The following BPNT2 variants were observed in gnomAD, a reference collection of about 807,000 sequenced individuals.
BPNT2 encodes the protein 3'(2'), 5'-bisphosphate nucleotidase 2.
BPNT2 carries 11 observed loss-of-function variants against 29.3 expected under a neutral mutation model. The ratio of observed to expected loss-of-function variants is 0.38; its 90% confidence interval spans 0.24 to 0.62. The LOEUF (loss-of-function observed/expected upper bound fraction) is 0.62, where lower values mean the gene tolerates loss of function less well. Among genes scored for constraint, BPNT2 ranks in the 20% least tolerant of loss-of-function variants. The pLI is 0.62. For synonymous variants in BPNT2, 195 were observed against 187.7 expected, an observed-to-expected ratio of 1.04 and a Z score of -0.32; for missense variants, 459 against 473.4, an observed-to-expected ratio of 0.97 and a Z score of 0.28.
intron 3 of BPNT2, among the ~76,000 whole-genome samples, chr8:56,975,402 G>A (rs1806115668): frequency 6.6e-6 from 1 of 152,084 alleles, no homozygotes; most frequent in Admixed American, 6.6e-5. Flanking sequence ...ATAAGGGACA[G>A]TGTCAAAAGA....
chr8:56,964,147 AAATAG>A, intron 4 of BPNT2, 83 bp from the exon 5 acceptor site: 4 of 988,734 alleles, frequency 4.0e-6, no homozygotes, highest in African/African-American at 1.6e-5. Flanking sequence ...TATCCTGTTA[AAATAG>A]CAGGATGGAG....
At position 56,970,336 on chromosome 8, in the gene BPNT2, G is replaced by A. The variant is rs1228469546; in HGVS notation, c.647-3984C>T. Among the ~76,000 whole-genome samples, 7 of 152,112 alleles carry A rather than the reference G, an allele frequency of 4.6e-5. No individual in the cohort carries two copies. In the East Asian group the frequency reaches 1.4e-3, roughly 29 times the overall value. On this transcript the variant is annotated intron_variant, in intron 3 of 4. Transcript: ENST00000262644. ...AAATGCTTAACCTCAATCCAATCAA[G>A]GATTCAGATCTAATCTGCACTTTTT...
In BPNT2 at chr8:56,960,206, C is replaced by G. The variant is rs996183064; in HGVS notation, c.*3587G>C. The G allele has an allele frequency of 2.0e-5, 3 of 152,156 alleles. No individual in the cohort carries two copies. The highest frequency in any genetic ancestry group is 7.2e-5 in the African/African-American group (3 of 41,418). 9.4% of individuals were successfully genotyped at this position (152,156 alleles called of 1,614,324 possible). A position where few individuals can be genotyped will look rare whatever the true frequency, so the allele number is the denominator to read the frequency against. ...TTTCCTTTCTGCATCGGCACTCCACCTTTCTTTACTTATGCTCAGCTATCA... is the reference window on the plus strand; with the variant it reads ...TTTCCTTTCTGCATCGGCACTCCACGTTTCTTTACTTATGCTCAGCTATCA... On this transcript the variant is annotated 3_prime_UTR_variant, in exon 5 of 5. Coordinates refer to ENST00000262644, the MANE Select transcript of BPNT2 (RefSeq NM_017813.5).
At position 56,968,428 on chromosome 8, in the gene BPNT2, TAAG is replaced by T. The variant is rs555641314; in HGVS notation, c.647-2079_647-2077del. Reference sequence around the variant, plus strand: ...ACAAAAAAGAGTCAACATACATATATAAGGAGTCCCTGAAAAAGAAAAATTAAT... The same window carrying T: ...ACAAAAAAGAGTCAACATACATATATGAGTCCCTGAAAAAGAAAAATTAAT... On this transcript the variant is annotated intron_variant, in intron 3 of 4. Transcript: ENST00000262644. 3.3e-5 allele frequency among the ~76,000 whole-genome samples: 5 copies of T among 149,910 alleles called. No homozygotes were observed. The East Asian group carries it at 9.8e-4, about 29-fold the overall frequency.
At chr8:56,974,841 A>C (rs191970696) in intron 3 of BPNT2, among the ~76,000 whole-genome samples, 1 of 152,300 alleles carries the variant, frequency 6.6e-6, no homozygotes, top group African/African-American at 2.4e-5. Flanking sequence ...TATTCTTATT[A>C]AATAAAGGTT....
intron 3 of BPNT2, 144 bp from the exon 4 acceptor site, chr8:56,966,496 CTT>C (rs995386306): frequency 3.9e-4 from 276 of 713,046 alleles, no homozygotes; most frequent in Non-Finnish European, 3.1e-4. Flanking sequence ...AAACAGAAAG[CTT>C]TTTTTTTCAG....
chr8:56,988,424 G>A (rs1294450421), intron 1 of BPNT2, among the ~76,000 whole-genome samples: 3 of 152,178 alleles, frequency 2.0e-5, no homozygotes, highest in Non-Finnish European at 2.9e-5. Flanking sequence ...TTGGTAAAAA[G>A]GGACAATGAT....
intron 1 of BPNT2, among the ~76,000 whole-genome samples, chr8:56,980,828 AC>A: frequency 6.7e-6 from 1 of 150,014 alleles, no homozygotes; most frequent in Admixed American, 6.7e-5. Context: ...ATACACACAC[AC>A]ACACACACAC....
At chr8:56,973,656 C>T (rs1316286750) in intron 3 of BPNT2, among the ~76,000 whole-genome samples, 1 of 152,108 alleles carries the variant, frequency 6.6e-6, no homozygotes, top group African/African-American at 2.4e-5. Flanking sequence ...CAGAAGACGA[C>T]TTGATGGAGA....
intron 3 of BPNT2, among the ~76,000 whole-genome samples, chr8:56,972,896 G>A (rs901882920): frequency 1.3e-5 from 2 of 151,782 alleles, no homozygotes; most frequent in Non-Finnish European, 2.9e-5. Context: ...ACATTTATTA[G>A]TAAGGAAGAG....
intron 3 of BPNT2, among the ~76,000 whole-genome samples, chr8:56,973,315 G>C (rs1485064408): frequency 6.6e-6 from 1 of 152,010 alleles, no homozygotes; most frequent in Non-Finnish European, 1.5e-5. Flanking sequence ...GGACCTTTAA[G>C]GCTCATTATA....
Position 56,993,310 on chromosome 8 carries a change from C to A in BPNT2, c.276G>T (p.Glu92Asp), listed in dbSNP as rs763919379. 3.7e-6 allele frequency: 6 copies of A among 1,612,278 alleles called. No individual in the cohort carries two copies. Among genetic ancestry groups the A allele is most frequent in the Non-Finnish European group, 5.1e-6 (6 of 1,179,958 alleles). ...CCTCGCGCGTCTTCCCCTTGGACTT[C>A]TCGTGGAGGACGTTGCTCTCGCGGA... The part of the protein sequence containing the change: ...RRVRESNVLH[E>D]KSKGKTREGA... The change falls in exon 1 of 5, where the codon GAG becomes GAT. Residue 92 changes from glutamate (E) to aspartate (D), a missense_variant. By Grantham distance (45) the Glu-to-Asp change is conservative (BLOSUM62 2). Coordinates refer to ENST00000262644, the MANE Select transcript of BPNT2 (RefSeq NM_017813.5).
chr8:56,968,389 TAA>T (rs11428357), intron 3 of BPNT2, among the ~76,000 whole-genome samples: 3 of 121,788 alleles, frequency 2.5e-5, no homozygotes, highest in Non-Finnish European at 3.5e-5. Context: ...AGTGATAGAT[TAA>T]AAAAAAAAAA....
chr8:56,975,980 C>G (rs558449954), intron 3 of BPNT2, among the ~76,000 whole-genome samples: 2 of 152,266 alleles, frequency 1.3e-5, no homozygotes, highest in East Asian at 3.9e-4. Context: ...CATCCACTTT[C>G]CCTGTTTTCC....
intron 4 of BPNT2, 105 bp downstream of exon 4, chr8:56,966,086 C>T (rs1805943621): frequency 6.5e-6 from 8 of 1,239,174 alleles, no homozygotes; most frequent in Non-Finnish European, 9.4e-6. Context: ...GTACACCACT[C>T]CTCCTCACTT....
In BPNT2 at chr8:56,963,955, G is replaced by C. The variant is rs770225591; in HGVS notation, c.918C>G (p.Ala306=). 2 of 1,613,912 alleles carry C rather than the reference G, an allele frequency of 1.2e-6. No individual in the cohort carries two copies. The highest frequency in any genetic ancestry group is 2.2e-5 in the South Asian group (2 of 91,056). Residue 306 remains alanine, a synonymous_variant, in exon 5 of 5, where the codon GCC becomes GCG. Transcript: ENST00000262644. The part of the protein sequence containing the change: ...IKKWDICAGN[A]ILKALGGHMT... ...TATGCCCCCCTAGGGCTTTTAAGAT[G>C]GCATTACCAGCACATATATCCCACT...
intron 1 of BPNT2, among the ~76,000 whole-genome samples, chr8:56,983,546 C>G (rs557121843): frequency 1.3e-5 from 2 of 152,144 alleles, no homozygotes; most frequent in Non-Finnish European, 2.9e-5. Context: ...CAGTTGCCCT[C>G]CATCATAACA....
intron 3 of BPNT2, among the ~76,000 whole-genome samples, chr8:56,971,833 C>G (rs1474940242): frequency 6.7e-6 from 1 of 149,322 alleles, no homozygotes; most frequent in Non-Finnish European, 1.5e-5. Flanking sequence ...TGAGCACCCA[C>G]TTAAAACCCT....
chr8:56,969,858 T>G (rs1460387621), intron 3 of BPNT2, among the ~76,000 whole-genome samples: 7 of 152,324 alleles, frequency 4.6e-5, no homozygotes, highest in South Asian at 4.1e-4. Context: ...AGCCTGTTCC[T>G]TCCTGGAAAA....
Sources: allele counts gnomAD v4.1 joint callset (sites outside exome capture counted in the v4.1 genomes callset), GRCh38; gene constraint gnomAD v4.1.1; transcripts MANE v1.5; gene names NCBI Gene and HGNC (gene_info 2026-07-23, HGNC 2026-07-21).